CDH8: variants seen among roughly 807,000 people sequenced by gnomAD.
CDH8 encodes cadherin-8.
In CDH8, 17 loss-of-function variants were observed where a neutral mutation model predicts 68.1. The ratio of observed to expected loss-of-function variants is 0.25; its 90% CI spans 0.17 to 0.37. The LOEUF (loss-of-function observed/expected upper bound fraction) is 0.37. Ranked by LOEUF, CDH8 falls within the 10% of genes least tolerant of loss-of-function variation. The pLI is 1.00. For synonymous variants in CDH8, 372 were observed against 365.1 expected, an observed-to-expected ratio of 1.02 and a Z score of -0.21; for missense variants, 763 against 999.3, an observed-to-expected ratio of 0.76 and a Z score of 3.19.
chr16:61,923,438 C>T (rs974190680), intron 2 of CDH8, among the ~76,000 whole-genome samples: 2 of 152,002 alleles, frequency 1.3e-5, no homozygotes, highest in African/African-American at 2.4e-5. Flanking sequence ...CAAGTAGCAG[C>T]ATAACGTTTG....
intron 8 of CDH8, among the ~76,000 whole-genome samples, chr16:61,782,770 G>A (rs947347493): frequency 2.0e-5 from 3 of 152,126 alleles, no homozygotes; most frequent in Admixed American, 6.5e-5. Context: ...TCCTCAAGTG[G>A]GTCCCTGACC....
intron 5 of CDH8, among the ~76,000 whole-genome samples, chr16:61,823,381 T>A (rs1196676285): frequency 1.3e-5 from 2 of 151,806 alleles, no homozygotes; most frequent in African/African-American, 4.8e-5. Context: ...AGCACCAGCA[T>A]GCATCTAATC....
chr16:61,715,628 T>C (rs1248894629), intron 9 of CDH8, among the ~76,000 whole-genome samples: 6 of 151,646 alleles, frequency 4.0e-5, no homozygotes, highest in Admixed American at 1.3e-4. Flanking sequence ...TTTATAAATG[T>C]AACAACTCTG....
Position 61,650,967 on chromosome 16 carries a change from C to G in CDH8, c.*2641G>C, listed in dbSNP as rs931474720. On this transcript the variant is annotated 3_prime_UTR_variant, in exon 12 of 12. Coordinates refer to ENST00000577390, the MANE Select transcript of CDH8 (RefSeq NM_001796.5). ...AGAGAATACTTAGGCGATATTTGGGCAACTAGTAGAGCAGACATTATCTCC... is the reference window on the plus strand; with the variant it reads ...AGAGAATACTTAGGCGATATTTGGGGAACTAGTAGAGCAGACATTATCTCC... The G allele has an allele frequency of 6.6e-6, 1 of 152,018 alleles. No homozygotes were observed. Among genetic ancestry groups the G allele is most frequent in the Non-Finnish European group, 1.5e-5 (1 of 68,016 alleles). The allele number at this position is 152,018 out of a possible 1,614,324, so 9.4% of individuals were successfully genotyped here.
At chr16:62,005,714 G>A (rs1416276395) in intron 2 of CDH8, among the ~76,000 whole-genome samples, 1 of 136,258 alleles carries the variant, frequency 7.3e-6, no homozygotes, top group African/African-American at 2.8e-5. Flanking sequence ...CCAGCCTGGT[G>A]ACAGGACTAG....
At chr16:61,979,757 A>C (rs1965499968) in intron 2 of CDH8, among the ~76,000 whole-genome samples, 1 of 152,192 alleles carries the variant, frequency 6.6e-6, no homozygotes, top group Admixed American at 6.5e-5. Context: ...ATAAGACATG[A>C]CATTCAACCA....
At chr16:61,821,824 T>C (rs149809489) in intron 5 of CDH8, among the ~76,000 whole-genome samples, 665 of 152,156 alleles carry the variant, frequency 4.4e-3, no homozygotes, top group Middle Eastern at 6.8e-3. Context: ...TTAGTTGTTA[T>C]ACTGCTGTCA....
intron 8 of CDH8, among the ~76,000 whole-genome samples, chr16:61,732,529 T>G (rs576182183): frequency 6.6e-6 from 1 of 151,888 alleles, no homozygotes; most frequent in African/African-American, 2.4e-5. Flanking sequence ...CACAAGTATC[T>G]TTCATAAATG....
chr16:62,024,719 T>A (rs965179760), intron 1 of CDH8, among the ~76,000 whole-genome samples: 1 of 152,232 alleles, frequency 6.6e-6, no homozygotes, highest in Non-Finnish European at 1.5e-5. Context: ...AATATCTTAC[T>A]GTTAGATAAA....
At chr16:61,895,023 A>G (rs1481261489) in intron 3 of CDH8, among the ~76,000 whole-genome samples, 2 of 152,096 alleles carry the variant, frequency 1.3e-5, no homozygotes, top group African/African-American at 4.8e-5. Flanking sequence ...ATAGCTCTTC[A>G]TTAATTTTAT....
chr16:61,721,057 A>G (rs1959212997), intron 9 of CDH8, among the ~76,000 whole-genome samples: 1 of 150,674 alleles, frequency 6.6e-6, no homozygotes, highest in Admixed American at 6.7e-5. Context: ...CAAAACTAGT[A>G]AATAGGAAAG....
chr16:61,799,859 A>G (rs937920845), intron 7 of CDH8, among the ~76,000 whole-genome samples: 1 of 152,198 alleles, frequency 6.6e-6, no homozygotes, highest in African/African-American at 2.4e-5. Flanking sequence ...AGTTTTGGTA[A>G]ATACTGGGAA....
chr16:61,988,399 C>A (rs572595504), intron 2 of CDH8, among the ~76,000 whole-genome samples: 28 of 152,240 alleles, frequency 1.8e-4, no homozygotes, highest in African/African-American at 5.5e-4. Flanking sequence ...GTGGCATATA[C>A]AAAATATGAC....
intron 8 of CDH8, among the ~76,000 whole-genome samples, chr16:61,783,958 A>G (rs994755676): frequency 1.3e-5 from 2 of 152,202 alleles, no homozygotes; most frequent in African/African-American, 4.8e-5. Flanking sequence ...GAAAGGAACA[A>G]CCGGTACCAG....
rs16964170 is a variant in CDH8 at position 62,009,996 on chromosome 16, C to T, written c.252+11156G>A. On this transcript the variant is annotated intron_variant, in intron 2 of 11. Transcript: ENST00000577390. Reference sequence around the variant, plus strand: ...CTAACCCCCGTATTAGGAGAATAACCCCCAAATTGTGGTGTACTTGGTAGC... The same window carrying T: ...CTAACCCCCGTATTAGGAGAATAACTCCCAAATTGTGGTGTACTTGGTAGC... Among the ~76,000 whole-genome samples, 1,501 of 152,126 alleles carry T rather than the reference C, an allele frequency of 9.9e-3. 27 individuals carry two copies. Among genetic ancestry groups the T allele is most frequent in the African/African-American group, 0.034 (1,398 of 41,508 alleles).
At chr16:61,981,146 A>G (rs2150582572) in intron 2 of CDH8, among the ~76,000 whole-genome samples, 1 of 152,338 alleles carries the variant, frequency 6.6e-6, no homozygotes, top group African/African-American at 2.4e-5. Flanking sequence ...AGCTATTACT[A>G]TTTCATTCCT....
intron 2 of CDH8, among the ~76,000 whole-genome samples, chr16:61,991,946 G>A (rs897492233): frequency 9.2e-5 from 14 of 152,146 alleles, no homozygotes; most frequent in East Asian, 1.9e-4. Context: ...ATCAGACAGC[G>A]GGGGATTTAA....
At chr16:61,953,225 G>A (rs1964924615) in intron 2 of CDH8, among the ~76,000 whole-genome samples, 1 of 152,098 alleles carries the variant, frequency 6.6e-6, no homozygotes, top group African/African-American at 2.4e-5. Flanking sequence ...GAACTGAATG[G>A]ACTAAGACAG....
chr16:61,771,501 T>C (rs4784161), intron 8 of CDH8, among the ~76,000 whole-genome samples: 5,011 of 150,850 alleles, frequency 0.033, 277 homozygotes, highest in East Asian at 0.23. Flanking sequence ...AAACTTTTTT[T>C]TAACCAATTT....
Sources: allele counts gnomAD v4.1 joint callset (sites outside exome capture counted in the v4.1 genomes callset), GRCh38; gene constraint gnomAD v4.1.1; transcripts MANE v1.5; gene names NCBI Gene and HGNC (gene_info 2026-07-23, HGNC 2026-07-21).